ZNF33B: variants seen among roughly 807,000 people sequenced by gnomAD.
The protein encoded by ZNF33B is zinc finger protein 11b (KOX 2).
ZNF33B carries 29 observed loss-of-function variants against 45.8 expected under a neutral mutation model. That is an observed-to-expected ratio of 0.63 (90% CI 0.47 to 0.86). ZNF33B has a LOEUF of 0.86. ZNF33B is among the 40% of genes least tolerant of loss of function. The pLI, the probability that ZNF33B is intolerant of heterozygous loss-of-function variation, is 0.00. For synonymous variants in ZNF33B, 305 were observed against 307.8 expected (o/e 0.99, Z 0.10); for missense variants, 831 against 909.9 (o/e 0.91, Z 1.12).
At chr10:42,578,937 G>C (rs10793628) in intron 1 of ZNF33B, among the ~76,000 whole-genome samples, 12,012 of 152,248 alleles carry the variant, frequency 0.079, 1,253 homozygotes, top group African/African-American at 0.23. Context: ...TTTACAAGGA[G>C]TGACATAGAT....
downstream of ZNF33B, among the ~76,000 whole-genome samples, chr10:42,586,571 T>G (rs1402420135): frequency 6.6e-6 from 1 of 152,182 alleles, no homozygotes; most frequent in Non-Finnish European, 1.5e-5. Context: ...AACTATTAAC[T>G]GGGGTATTAT....
chr10:42,579,256 T>C (rs10900251), intron 1 of ZNF33B, among the ~76,000 whole-genome samples: 31,589 of 152,138 alleles, frequency 0.21, 5,305 homozygotes, highest in African/African-American at 0.45. Flanking sequence ...AGTTTTGTTA[T>C]GTGGGTATAC....
intron 2 of ZNF33B, among the ~76,000 whole-genome samples, chr10:42,635,062 G>A (rs984569963): frequency 1.7e-4 from 26 of 151,942 alleles, no homozygotes; most frequent in African/African-American, 6.3e-4. Context: ...GCCTGGCCAA[G>A]TGAAACCCCA....
intron 1 of ZNF33B, among the ~76,000 whole-genome samples, chr10:42,577,211 G>GT (rs1836760605): frequency 6.6e-6 from 1 of 151,616 alleles, no homozygotes; most frequent in African/African-American, 2.4e-5. Context: ...GCTGACAGAG[G>GT]TGCCACTTTA....
chr10:42,623,221 C>G (rs1346319428), intron 4 of ZNF33B, among the ~76,000 whole-genome samples: 3 of 152,184 alleles, frequency 2.0e-5, no homozygotes, highest in Non-Finnish European at 2.9e-5. Flanking sequence ...GAGCCGAGAT[C>G]GTGCCACTGC....
At chr10:42,582,844 C>T (rs886670270) in intron 1 of ZNF33B, 2 of 325,322 alleles carry the variant, frequency 6.1e-6, no homozygotes, top group South Asian at 4.0e-5. Flanking sequence ...CAGGTGAGTC[C>T]CCAGCAGTGC....
intron 2 of ZNF33B, among the ~76,000 whole-genome samples, chr10:42,635,295 G>C (rs1192345894): frequency 6.6e-6 from 1 of 151,906 alleles, no homozygotes; most frequent in Admixed American, 6.6e-5. Context: ...AGGCCAAAAG[G>C]TTCCTGTCAC....
chr10:42,628,667 A>G (rs1375698825), intron 4 of ZNF33B, among the ~76,000 whole-genome samples: 2 of 152,154 alleles, frequency 1.3e-5, no homozygotes, highest in African/African-American at 4.8e-5. Flanking sequence ...ATCTTTTTAT[A>G]TACTTTATCA....
chr10:42,598,818 T>C (rs976136089), intron 4 of ZNF33B, among the ~76,000 whole-genome samples: 1 of 152,222 alleles, frequency 6.6e-6, no homozygotes, highest in Non-Finnish European at 1.5e-5. Context: ...TTTGAATTTA[T>C]GTTCATGAAG....
At position 42,591,413 on chromosome 10, in the gene ZNF33B, C is replaced by T. The variant is rs368340259; in HGVS notation, c.*1200G>A. On this transcript the variant is annotated 3_prime_UTR_variant, in exon 5 of 5. Coordinates refer to ENST00000359467, the MANE Select transcript of ZNF33B (RefSeq NM_006955.3). ...ATGGAGGCAGGCCTAGATCTTCACA[C>T]GTACAGGATAGATTTTTTTTCAGAT... is the stretch of plus-strand genomic sequence containing the variant. The T allele has an allele frequency of 5.6e-5, 17 of 302,614 alleles. No individual in the cohort carries two copies. In the South Asian group the frequency reaches 9.3e-4, roughly 16 times the overall value. The allele number at this position is 302,614 out of a possible 1,614,324, so 18.7% of individuals were successfully genotyped here. A position where few individuals can be genotyped will look rare whatever the true frequency, so the allele number is the denominator to read the frequency against.
chr10:42,597,737 T>TA (rs952781671), intron 4 of ZNF33B, among the ~76,000 whole-genome samples: 7 of 152,086 alleles, frequency 4.6e-5, no homozygotes, highest in South Asian at 2.1e-4. Flanking sequence ...CAATAAAAGT[T>TA]AAAAAAATAC....
chr10:42,618,471 C>T (rs192584135), intron 4 of ZNF33B, among the ~76,000 whole-genome samples: 60 of 152,292 alleles, frequency 3.9e-4, no homozygotes, highest in Non-Finnish European at 8.2e-4. Context: ...GGTTCACATG[C>T]TAAGTTTGTT....
Position 42,594,065 on chromosome 10 carries a change from C to G in ZNF33B, c.885G>C (p.Gly295=), listed in dbSNP as rs1387929947. 6.2e-7 allele frequency: 1 copy of G among 1,614,004 alleles called. No individual in the cohort carries two copies. The highest frequency in any genetic ancestry group is 1.7e-5 in the Admixed American group (1 of 59,998). The change falls in exon 5 of 5, where the codon GGG becomes GGC. Residue 295 remains glycine, a synonymous_variant. Transcript: ENST00000359467. ...CACAATCATAGTGTTTCACAGGTAC[C>G]CCATCATGTTTAGAAAGGGTGGACT... ...CVKSTLSKHD[G]VPVKHYDCGE... is the part of the protein sequence containing the mutation.
At position 42,592,969 on chromosome 10, in the gene ZNF33B, G is replaced by A; in HGVS notation, c.1981C>T (p.Gln661Ter). The A allele has an allele frequency of 6.2e-7, 1 of 1,613,666 alleles. No individual in the cohort carries two copies. The highest frequency in any genetic ancestry group is 8.5e-7 in the Non-Finnish European group (1 of 1,179,936). The change falls in exon 5 of 5, where the codon CAA becomes TAA. Residue 661 changes from glutamine to a stop codon, truncating the protein, a stop_gained. Transcript: ENST00000359467. LOFTEE classifies it high-confidence loss of function. ...TCGTTACATTTATAAGGCTTTTCTT[G>A]TGTATGGGTTCTCTGATGTACAATT... is the stretch of plus-strand genomic sequence containing the variant. ...ALIVHQRTHT[Q>*]EKPYKCNECG...
chr10:42,631,028 A>G (rs1839028125), intron 4 of ZNF33B, among the ~76,000 whole-genome samples: 1 of 152,112 alleles, frequency 6.6e-6, no homozygotes, highest in African/African-American at 2.4e-5. Flanking sequence ...TCACACAGTC[A>G]TTTCATTCAA....
chr10:42,606,900 T>G (rs770112761), intron 4 of ZNF33B, among the ~76,000 whole-genome samples: 3 of 152,314 alleles, frequency 2.0e-5, no homozygotes, highest in Non-Finnish European at 4.4e-5. Flanking sequence ...CTTTAGAGTT[T>G]TTTCCAAATT....
At chr10:42,637,958 A>C (rs1355694179) in intron 1 of ZNF33B, among the ~76,000 whole-genome samples, 2 of 152,222 alleles carry the variant, frequency 1.3e-5, no homozygotes, top group African/African-American at 4.8e-5. Context: ...GGCCAAAATT[A>C]TGTAATTCTT....
At chr10:42,617,991 C>T (rs570423220) in intron 4 of ZNF33B, among the ~76,000 whole-genome samples, 4 of 152,280 alleles carry the variant, frequency 2.6e-5, no homozygotes, top group Admixed American at 2.0e-4. Flanking sequence ...ACCCCAAATT[C>T]CTAATGACAA....
intron 4 of ZNF33B, chr10:42,605,054 A>T (rs1481941821): frequency 6.6e-6 from 1 of 152,098 alleles, no homozygotes; most frequent in Non-Finnish European, 1.5e-5. Context: ...AGAAACCCTC[A>T]AAAAATGAGG....
Sources: gnomAD v4.1 joint callset for allele counts (sites outside exome capture counted in the v4.1 genomes callset) on GRCh38, gnomAD v4.1.1 for gene constraint, MANE v1.5 for transcripts, NCBI Gene and HGNC (gene_info 2026-07-23, HGNC 2026-07-21) for gene names.